GABRG2: variants seen among roughly 807,000 people sequenced by gnomAD.
GABRG2 encodes the protein gamma-aminobutyric acid receptor subunit gamma-2.
Under a neutral mutation model 56.4 loss-of-function variants are expected in GABRG2, and 16 were observed. The observed-to-expected ratio is 0.28, with a 90% CI of 0.19 to 0.43. The LOEUF (loss-of-function observed/expected upper bound fraction) is 0.43. GABRG2 is among the 20% of genes least tolerant of loss of function. The pLI is 1.00. For missense variants in GABRG2, 327 were observed against 582.7 expected (o/e 0.56, Z 4.52); for synonymous variants, 208 against 205.5 (o/e 1.01, Z -0.10).
At chr5:162,142,042 A>G (rs1764605087) in intron 6 of GABRG2, 122 bp from the exon 7 acceptor site, 6 of 1,272,064 alleles carry the variant, frequency 4.7e-6, no homozygotes, top group Non-Finnish European at 5.7e-6. Flanking sequence ...AGTTTTCAAC[A>G]TACCACTTGT....
intron 6 of GABRG2, among the ~76,000 whole-genome samples, chr5:162,133,521 G>A (rs2113549323): frequency 6.6e-6 from 1 of 152,192 alleles, no homozygotes; most frequent in Admixed American, 6.6e-5. Context: ...GGAAATTGCT[G>A]TCTCTTTCGA....
chr5:162,146,788 C>T (rs1392072673), intron 7 of GABRG2, among the ~76,000 whole-genome samples: 1 of 152,210 alleles, frequency 6.6e-6, no homozygotes, highest in East Asian at 1.9e-4. Flanking sequence ...CCTTGATCAT[C>T]TCTTTCCTGT....
intron 1 of GABRG2, among the ~76,000 whole-genome samples, chr5:162,078,433 G>A (rs1472490302): frequency 1.1e-5 from 1 of 87,072 alleles, no homozygotes; most frequent in Non-Finnish European, 2.1e-5. Flanking sequence ...TTGAGACGGA[G>A]TCTTGCTCTA....
intron 1 of GABRG2, among the ~76,000 whole-genome samples, chr5:162,081,858 C>T (rs1268344562): frequency 6.6e-6 from 1 of 151,918 alleles, no homozygotes; most frequent in East Asian, 1.9e-4. Flanking sequence ...TTAGGATTTT[C>T]TTATAAGGTT....
intron 9 of GABRG2, 96 bp downstream of exon 9, chr5:162,151,849 T>G (rs1265123097): frequency 1.8e-6 from 2 of 1,090,620 alleles, no homozygotes; most frequent in East Asian, 4.7e-5. Flanking sequence ...TGAGTAGACA[T>G]TTAAGCATTC....
chr5:162,133,829 C>T (rs898097759), intron 6 of GABRG2, among the ~76,000 whole-genome samples: 4 of 152,110 alleles, frequency 2.6e-5, no homozygotes, highest in Admixed American at 1.3e-4. Context: ...AAAACCACTA[C>T]ATTTGGAGGC....
At chr5:162,074,417 T>C (rs1474008553) in intron 1 of GABRG2, among the ~76,000 whole-genome samples, 3 of 152,006 alleles carry the variant, frequency 2.0e-5, no homozygotes, top group Non-Finnish European at 4.4e-5. Flanking sequence ...AAAGATCCTT[T>C]GTTATAATTG....
At chr5:162,111,950 A>G (rs1036921433) in intron 6 of GABRG2, among the ~76,000 whole-genome samples, 4 of 152,200 alleles carry the variant, frequency 2.6e-5, no homozygotes, top group African/African-American at 9.6e-5. Context: ...GCAAAAGTAT[A>G]AAGTGAGAAA....
intron 1 of GABRG2, among the ~76,000 whole-genome samples, chr5:162,068,846 C>T (rs2268583): frequency 0.087 from 13,218 of 152,122 alleles, 894 homozygotes; most frequent in East Asian, 0.22. Context: ...CCTCTACTCC[C>T]TCCTTGATAT....
At chr5:162,071,180 A>G (rs1295608575) in intron 1 of GABRG2, among the ~76,000 whole-genome samples, 2 of 151,544 alleles carry the variant, frequency 1.3e-5, no homozygotes, top group East Asian at 3.9e-4. Flanking sequence ...AACTATATAT[A>G]TACCACATAT....
chr5:162,079,768 T>C (rs1299121442), intron 1 of GABRG2, among the ~76,000 whole-genome samples: 4 of 152,000 alleles, frequency 2.6e-5, no homozygotes, highest in African/African-American at 7.2e-5. Flanking sequence ...ACTCAAACAT[T>C]ATTTATTTTT....
At chr5:162,134,256 C>G (rs1403953399) in intron 6 of GABRG2, among the ~76,000 whole-genome samples, 8 of 152,136 alleles carry the variant, frequency 5.3e-5, no homozygotes, top group Admixed American at 5.2e-4. Context: ...TGAACGTCAA[C>G]TGCTTAATCT....
upstream of GABRG2, chr5:162,067,597 C>T: frequency 2.2e-6 from 1 of 457,456 alleles, no homozygotes; most frequent in African/African-American, 2.0e-5. Context: ...AAAATCAAAA[C>T]AAACAAATAA....
At chr5:162,143,784 A>G (rs1764755971) in intron 7 of GABRG2, among the ~76,000 whole-genome samples, 1 of 152,222 alleles carries the variant, frequency 6.6e-6, no homozygotes, top group African/African-American at 2.4e-5. Flanking sequence ...CTAGGGTTAA[A>G]GTATTCGATG....
chr5:162,067,465 A>T (rs1758297338), upstream of GABRG2: 1 of 414,236 alleles, frequency 2.4e-6, no homozygotes, highest in East Asian at 3.4e-5. Flanking sequence ...AGCGTGCATC[A>T]CTTCCACTTT....
intron 6 of GABRG2, among the ~76,000 whole-genome samples, chr5:162,105,620 C>T (rs1392808658): frequency 6.6e-6 from 1 of 151,414 alleles, no homozygotes; most frequent in African/African-American, 2.4e-5. Context: ...TTAGTAGAGA[C>T]GTGGTTTCAC....
At position 162,079,897 on chromosome 5, in the gene GABRG2, A is replaced by T. The variant is rs371903686; in HGVS notation, c.107+11791A>T. Among the ~76,000 whole-genome samples the T allele has an allele frequency of 8.5e-5, 13 of 152,064 alleles. No homozygotes were observed. The East Asian group carries it at 9.7e-4, about 11-fold the overall frequency. ...TGGGTTCAAGCAATTCTCCCACCTC[A>T]GCCTCCTGAGTAGCTGAGATTACAG... On this transcript the variant is annotated intron_variant, in intron 1 of 9. Transcript: ENST00000639213.
rs1298338663 is a variant in GABRG2, at chr5:162,153,424, T to A, written c.*56T>A. On this transcript the variant is annotated 3_prime_UTR_variant, in exon 10 of 10. Transcript: ENST00000639213. ...ATTCACTGAGTCTCATGGAGAGATGTCTGTTCTAAGTCCACTTAAATAATC... is the reference window on the plus strand; with the variant it reads ...ATTCACTGAGTCTCATGGAGAGATGACTGTTCTAAGTCCACTTAAATAATC... The A allele has an allele frequency of 6.3e-7, 1 of 1,580,036 alleles. No homozygotes were observed. The highest frequency in any genetic ancestry group is 1.3e-5 in the African/African-American group (1 of 74,306).
intron 7 of GABRG2, among the ~76,000 whole-genome samples, chr5:162,143,261 C>T (rs1561658955): frequency 6.6e-6 from 1 of 152,260 alleles, no homozygotes; most frequent in Non-Finnish European, 1.5e-5. Flanking sequence ...CTATTCCCCA[C>T]GAGTAATTAT....
Sources: allele counts gnomAD v4.1 joint callset (sites outside exome capture counted in the v4.1 genomes callset), GRCh38; gene constraint gnomAD v4.1.1; transcripts MANE v1.5; gene names NCBI Gene and HGNC (gene_info 2026-07-23, HGNC 2026-07-21).